PPP1R37: variants seen among roughly 807,000 people sequenced by gnomAD.
The protein encoded by PPP1R37 is protein phosphatase 1 regulatory subunit 37, also known as leucine rich repeat containing 68.
In PPP1R37, 21 loss-of-function variants were observed where a neutral mutation model predicts 61.0. That is an observed-to-expected ratio of 0.34 (90% confidence interval 0.24 to 0.50). PPP1R37 has a LOEUF of 0.50. Among genes scored for constraint, PPP1R37 ranks in the 20% least tolerant of loss-of-function variants. The pLI is 0.98. For synonymous variants in PPP1R37, 443 were observed against 433.5 expected, an observed-to-expected ratio of 1.02 and a Z score of -0.27; for missense variants, 910 against 952.7, an observed-to-expected ratio of 0.96 and a Z score of 0.59.
Position 45,146,011 on chromosome 19 carries a change from G to T in PPP1R37, c.1955G>T (p.Gly652Val). 6.5e-7 allele frequency: 1 copy of T among 1,533,038 alleles called. No individual in the cohort carries two copies. Among genetic ancestry groups the T allele is most frequent in the Non-Finnish European group, 8.7e-7 (1 of 1,145,316 alleles). The allele number at this position is 1,533,038 out of a possible 1,614,324, so 95.0% of individuals were successfully genotyped here. A position where few individuals can be genotyped will look rare whatever the true frequency, so the allele number is the denominator to read the frequency against. ...GCACTGCCCCCTGAGCCGCCCCCGGGGCCTGAGGTCAAGGGGGGCAGCTGC... is the reference window on the plus strand; with the variant it reads ...GCACTGCCCCCTGAGCCGCCCCCGGTGCCTGAGGTCAAGGGGGGCAGCTGC... ...ALALPPEPPP[G>V]PEVKGGSCGL... The change falls in exon 11 of 13, where the codon GGG becomes GTG. Residue 652 changes from glycine (G) to valine (V), a missense_variant. Transcript: ENST00000221462.
intron 1 of PPP1R37, among the ~76,000 whole-genome samples, chr19:45,103,725 G>C (rs138829064): frequency 1.1e-3 from 164 of 152,286 alleles, no homozygotes; most frequent in Non-Finnish European, 1.9e-3. Flanking sequence ...TGGTGATGGA[G>C]GTGATGGTAC....
rs1190282042 is a variant in PPP1R37, at chr19:45,145,876, C to T, written c.1820C>T (p.Ala607Val). The T allele has an allele frequency of 2.0e-6, 3 of 1,532,014 alleles. No individual in the cohort carries two copies. Among genetic ancestry groups the T allele is most frequent in the East Asian group, 2.5e-5 (1 of 40,792 alleles). 94.9% of individuals were successfully genotyped at this position (1,532,014 alleles called of 1,614,324 possible). Reference sequence around the variant, plus strand: ...CCCGCCTCACCTTCCCTACCACCAGCCGGGGCCATTGACACCCGGGACACA... The same window carrying T: ...CCCGCCTCACCTTCCCTACCACCAGTCGGGGCCATTGACACCCGGGACACA... ...SPPASPSLPP[A>V]GAIDTRDTGS... is the part of the protein sequence containing the mutation. Residue 607 changes from alanine (A) to valine (V), a missense_variant, in exon 11 of 13, where the codon GCC becomes GTC. Physicochemically the swap from Ala to Val is moderately conservative, Grantham distance 64 (BLOSUM62 0). Around this residue, in one of 3 missense-constraint regions of PPP1R37, gnomAD observed 549 missense variants for 505.1 expected, o/e 1.09. Transcript: ENST00000221462.
At chr19:45,134,861 G>A (rs1200297520) in intron 1 of PPP1R37, among the ~76,000 whole-genome samples, 1 of 152,206 alleles carries the variant, frequency 6.6e-6, no homozygotes, top group African/African-American at 2.4e-5. Context: ...TAGGTGCCCA[G>A]CTGAAGGTGT....
Position 45,145,373 on chromosome 19 carries a change from G to A in PPP1R37, c.1317G>A (p.Thr439=), listed in dbSNP as rs748710054. The A allele has an allele frequency of 2.1e-5, 33 of 1,535,046 alleles. No individual in the cohort carries two copies. Among genetic ancestry groups the A allele is most frequent in the Non-Finnish European group, 2.8e-5 (32 of 1,146,488 alleles). ...KKEAVKSFIE[T]QKALLAEIQN... ...CACAGGTGAAGAGCTTCATCGAGAC[G>A]CAGAAGGCGCTGCTGGCCGAGATCC... The change falls in exon 11 of 13, where the codon ACG becomes ACA. Residue 439 remains threonine, a synonymous_variant. Coordinates refer to ENST00000221462, the MANE Select transcript of PPP1R37 (RefSeq NM_019121.2).
intron 1 of PPP1R37, among the ~76,000 whole-genome samples, chr19:45,134,245 C>T (rs1215773613): frequency 2.0e-5 from 3 of 152,130 alleles, no homozygotes; most frequent in Non-Finnish European, 2.9e-5. Flanking sequence ...CTAAAGCAAT[C>T]CTCCTGTCTT....
chr19:45,145,812 T>TCCCCCCCCCCCCCCCCC lies in PPP1R37; in HGVS notation c.1761_1762insCCCCCCCCCCCCCCCCC (p.Thr588ProfsTer56). The stretch of plus-strand genomic sequence containing the variant: ...GCCCGAGAGGGCAGAGCCCCCTGCG[T>TCCCCCCCCCCCCCCCCC]CCCCCACCCCTCCCTCTCCCCCACC... On this transcript the variant is annotated frameshift_variant, in exon 11 of 13. Transcript: ENST00000221462. LOFTEE classifies it high-confidence loss of function. The TCCCCCCCCCCCCCCCCC allele has an allele frequency of 3.3e-6, 4 of 1,227,588 alleles. No homozygotes were observed. The highest frequency in any genetic ancestry group is 1.5e-5 in the South Asian group (1 of 64,836). 76.0% of individuals were successfully genotyped at this position (1,227,588 alleles called of 1,614,324 possible).
At chr19:45,128,746 GT>G in intron 1 of PPP1R37, 1 of 729,208 alleles carries the variant, frequency 1.4e-6, no homozygotes, top group Non-Finnish European at 2.3e-6. Flanking sequence ...CACCTGGTTG[GT>G]ATTGACATCT....
In PPP1R37 at chr19:45,115,274, A is replaced by T. The variant is rs115659045; in HGVS notation, c.202+21747A>T. On this transcript the variant is annotated intron_variant, in intron 1 of 12. Coordinates refer to ENST00000221462, the MANE Select transcript of PPP1R37 (RefSeq NM_019121.2). The stretch of plus-strand genomic sequence containing the variant: ...ACAGTGGCGAGGCTGGTGGGTAGGT[A>T]CCTGGCTTGGGTCAGGATATTGAAC... Among the ~76,000 whole-genome samples, 589 of 152,300 alleles carry T rather than the reference A, an allele frequency of 3.9e-3. 2 individuals carry two copies. The highest frequency in any genetic ancestry group is 0.014 in the African/African-American group (570 of 41,568).
intron 1 of PPP1R37, among the ~76,000 whole-genome samples, chr19:45,125,583 C>A (rs1022642302): frequency 6.6e-6 from 1 of 152,216 alleles, no homozygotes; most frequent in Non-Finnish European, 1.5e-5. Flanking sequence ...TCTTAACCAC[C>A]CTAGTGGGAA....
rs1192553155 is a variant in PPP1R37, at chr19:45,145,334, C to A, written c.1297-19C>A. 2.2e-5 allele frequency: 33 copies of A among 1,529,214 alleles called. No individual in the cohort carries two copies. Among genetic ancestry groups the A allele is most frequent in the Non-Finnish European group, 2.8e-5 (32 of 1,143,246 alleles). 94.7% of individuals were successfully genotyped at this position (1,529,214 alleles called of 1,614,324 possible). A position where few individuals can be genotyped will look rare whatever the true frequency, so the allele number is the denominator to read the frequency against. On this transcript the variant is annotated intron_variant, in intron 10 of 12. Coordinates refer to ENST00000221462, the MANE Select transcript of PPP1R37 (RefSeq NM_019121.2). ...GGTGGGGCCGGCCTGAGAGCCCTAG[C>A]CAGGCGCTCCCGCCACAGGTGAAGA...
At chr19:45,142,018 A>AG in intron 5 of PPP1R37, 43 bp from the exon 6 acceptor site, 3 of 1,455,452 alleles carry the variant, frequency 2.1e-6, no homozygotes, top group Non-Finnish European at 2.7e-6. Context: ...GTGCTGGGGC[A>AG]GGCCTGAGCC....
rs1418839810 is a variant in PPP1R37 at position 45,146,573 on chromosome 19, C to A, written c.*11C>A. ...TCCCCCAATCTCTCCTCCCCAAGTT[C>A]CCTTTTTCCGGTCGGTCTGCGATGA... On this transcript the variant is annotated splice_region_variant and 3_prime_UTR_variant, in exon 13 of 13. Transcript: ENST00000221462. 2 of 936,094 alleles carry A rather than the reference C, an allele frequency of 2.1e-6. No homozygotes were observed. The highest frequency in any genetic ancestry group is 4.7e-5 in the Admixed American group (2 of 43,008). 58.0% of individuals were successfully genotyped at this position (936,094 alleles called of 1,614,324 possible).
intron 1 of PPP1R37, among the ~76,000 whole-genome samples, chr19:45,113,413 C>G (rs1968225948): frequency 6.6e-6 from 1 of 152,180 alleles, no homozygotes; most frequent in Non-Finnish European, 1.5e-5. Flanking sequence ...CATCCATATC[C>G]CACGAGGTAG....
At chr19:45,135,294 T>C (rs1423727707) in intron 1 of PPP1R37, among the ~76,000 whole-genome samples, 1 of 152,004 alleles carries the variant, frequency 6.6e-6, no homozygotes, top group East Asian at 1.9e-4. Flanking sequence ...CCGGCTGCCA[T>C]TGTGTCAGGG....
chr19:45,132,785 T>C (rs1442803087), intron 1 of PPP1R37, among the ~76,000 whole-genome samples: 1 of 151,504 alleles, frequency 6.6e-6, no homozygotes, highest in Non-Finnish European at 1.5e-5. Context: ...CCCAGGCTGG[T>C]CTCGAATTCC....
intron 1 of PPP1R37, among the ~76,000 whole-genome samples, chr19:45,112,293 A>C (rs1044640586): frequency 2.6e-5 from 4 of 152,192 alleles, no homozygotes; most frequent in Admixed American, 2.6e-4. Context: ...GAGTGCTGGG[A>C]TGACAGGCGT....
intron 1 of PPP1R37, among the ~76,000 whole-genome samples, chr19:45,124,701 C>A (rs571735458): frequency 6.6e-6 from 1 of 151,964 alleles, no homozygotes. Flanking sequence ...TGGCTCACAC[C>A]TGTAATCCCA....
chr19:45,093,570 C>T (rs1026431343), intron 1 of PPP1R37, 43 bp downstream of exon 1: 1 of 1,470,844 alleles, frequency 6.8e-7, no homozygotes. Flanking sequence ...GAGAGGGACC[C>T]GGGAGTCGGG....
chr19:45,097,454 T>A (rs1968007163), intron 1 of PPP1R37, among the ~76,000 whole-genome samples: 1 of 151,152 alleles, frequency 6.6e-6, no homozygotes, highest in African/African-American at 2.4e-5. Context: ...AGTGCAGGGG[T>A]CTCCTTCAGC....
Sources: allele counts gnomAD v4.1 joint callset (sites outside exome capture counted in the v4.1 genomes callset), GRCh38; gene constraint gnomAD v4.1.1; regional missense constraint gnomAD v4.1.1; transcripts MANE v1.5; gene names NCBI Gene and HGNC (gene_info 2026-07-23, HGNC 2026-07-21).